The following DAB1 variants were observed in gnomAD, a reference collection of about 807,000 sequenced individuals.
DAB1 encodes DAB adaptor protein 1, also known as disabled homolog 1.
DAB1 carries 15 observed loss-of-function variants against 64.6 expected under a neutral mutation model. The observed-to-expected ratio is 0.23, with a 90% CI of 0.16 to 0.36. DAB1 has a LOEUF of 0.36. DAB1 is among the 10% of genes least tolerant of loss of function. The pLI, the probability that DAB1 is intolerant of heterozygous loss-of-function variation, is 1.00. For missense variants in DAB1, 596 were observed against 706.7 expected (o/e 0.84, Z 1.78); for synonymous variants, 235 against 251.9 (o/e 0.93, Z 0.64).
chr1:57,864,737 G>C (rs1009262687), intron 1 of DAB1: 2 of 150,688 alleles, frequency 1.3e-5, no homozygotes, highest in African/African-American at 4.9e-5. Context: ...GCCCAGGCTG[G>C]TATCGAACTC....
At chr1:57,706,798 C>T (rs150561607) in intron 6 of DAB1, among the ~76,000 whole-genome samples, 1,760 of 152,144 alleles carry the variant, frequency 0.012, 26 homozygotes, top group South Asian at 0.066. Flanking sequence ...CCAGGCCGGG[C>T]GCGGTGGCTC....
chr1:58,225,809 G>C (rs1347848734), intron 4 of DAB1, among the ~76,000 whole-genome samples: 1 of 110,594 alleles, frequency 9.0e-6, no homozygotes. Context: ...CGGGCCTGTT[G>C]TGGGGTGGGG....
intron 2 of DAB1, among the ~76,000 whole-genome samples, chr1:57,218,641 G>A (rs1397163262): frequency 6.6e-6 from 1 of 151,790 alleles, no homozygotes; most frequent in East Asian, 1.9e-4. Context: ...GCTGCAATGA[G>A]CCATGATCAT....
At chr1:57,620,218 G>A (rs756897009) in intron 7 of DAB1, among the ~76,000 whole-genome samples, 23 of 152,188 alleles carry the variant, frequency 1.5e-4, no homozygotes, top group South Asian at 2.1e-4. Flanking sequence ...AGCTCAGTGC[G>A]AGAAGGGGTC....
chr1:57,072,613 A>G (rs1651590973), intron 4 of DAB1, among the ~76,000 whole-genome samples, 199 bp from the exon 5 acceptor site: 1 of 152,220 alleles, frequency 6.6e-6, no homozygotes, highest in Non-Finnish European at 1.5e-5. Flanking sequence ...TGCTGTGACC[A>G]GAGAGAAACA....
At chr1:57,033,483 T>C (rs770128122) in intron 9 of DAB1, 5 of 1,612,700 alleles carry the variant, frequency 3.1e-6, no homozygotes, top group Non-Finnish European at 3.4e-6. Flanking sequence ...GATGAGAAAA[T>C]GACATGAAAC....
At chr1:57,821,905 A>C (rs1652138443), downstream of DAB1, among the ~76,000 whole-genome samples, 1 of 152,224 alleles carries the variant, frequency 6.6e-6, no homozygotes, top group Non-Finnish European at 1.5e-5. Flanking sequence ...GACTTAATTA[A>C]TAACTATGAT....
Position 57,363,683 on chromosome 1 carries a change from C to G in DAB1, c.-137+60247G>C, listed in dbSNP as rs145778581. 1.7e-4 allele frequency among the ~76,000 whole-genome samples: 26 copies of G among 152,148 alleles called. No homozygotes were observed. In the East Asian group the frequency reaches 3.1e-3, roughly 18 times the overall value. On this transcript the variant is annotated intron_variant, in intron 1 of 14. Coordinates refer to ENST00000371236, the MANE Select transcript of DAB1 (RefSeq NM_001365792.1). ...AGACCCAGAAAAGGGAATAATGTACCCAAGATTGTACAGTCACTGGAAGGC... is the reference window on the plus strand; with the variant it reads ...AGACCCAGAAAAGGGAATAATGTACGCAAGATTGTACAGTCACTGGAAGGC...
intron 3 of DAB1, among the ~76,000 whole-genome samples, chr1:58,416,705 T>A (rs1237459632): frequency 6.6e-6 from 1 of 152,196 alleles, no homozygotes; most frequent in Non-Finnish European, 1.5e-5. Flanking sequence ...AAAATCTTAA[T>A]ATAGGTGGCC....
At chr1:58,229,394 T>G (rs1046233318) in intron 4 of DAB1, among the ~76,000 whole-genome samples, 1 of 152,198 alleles carries the variant, frequency 6.6e-6, no homozygotes, top group Non-Finnish European at 1.5e-5. Flanking sequence ...TGGGAAGAGA[T>G]GCATTCACTC....
intron 9 of DAB1, among the ~76,000 whole-genome samples, chr1:57,043,231 T>C (rs1648025589): frequency 6.6e-6 from 1 of 152,186 alleles, no homozygotes; most frequent in African/African-American, 2.4e-5. Flanking sequence ...CTATATCCCA[T>C]AATTTTCAGC....
intron 3 of DAB1, among the ~76,000 whole-genome samples, chr1:58,454,675 C>A (rs1037348323): frequency 4.6e-5 from 7 of 152,168 alleles, no homozygotes; most frequent in African/African-American, 1.7e-4. Flanking sequence ...TCCCTCCTCA[C>A]CCAGGGCTTG....
intron 9 of DAB1, among the ~76,000 whole-genome samples, chr1:57,048,432 T>C (rs547299340): frequency 1.3e-5 from 2 of 152,332 alleles, no homozygotes; most frequent in South Asian, 4.2e-4. Context: ...AACTTCAAAT[T>C]TCATGTTCTT....
intron 4 of DAB1, among the ~76,000 whole-genome samples, chr1:57,074,039 G>T (rs566870992): frequency 6.6e-6 from 1 of 152,170 alleles, no homozygotes; most frequent in South Asian, 2.1e-4. Flanking sequence ...ACCAGAGCCG[G>T]CTCATTTTTT....
At chr1:58,293,015 T>G (rs1661883259) in intron 4 of DAB1, among the ~76,000 whole-genome samples, 1 of 150,980 alleles carries the variant, frequency 6.6e-6, no homozygotes, top group African/African-American at 2.4e-5. Flanking sequence ...TGAGGTAGAG[T>G]TTCCTCCCAA....
chr1:58,411,433 T>C (rs1214012861), intron 3 of DAB1, among the ~76,000 whole-genome samples: 1 of 152,194 alleles, frequency 6.6e-6, no homozygotes, highest in Non-Finnish European at 1.5e-5. Flanking sequence ...GCCAGTGATA[T>C]ACGCAAGTAA....
intron 5 of DAB1, among the ~76,000 whole-genome samples, chr1:58,065,022 ATT>A (rs1233998646): frequency 6.6e-6 from 1 of 152,148 alleles, no homozygotes; most frequent in Non-Finnish European, 1.5e-5. Context: ...CAATAGATAA[ATT>A]TGCTGAGGGC....
At chr1:57,394,015 C>T (rs1264407502) in intron 1 of DAB1, among the ~76,000 whole-genome samples, 1 of 152,160 alleles carries the variant, frequency 6.6e-6, no homozygotes, top group East Asian at 1.9e-4. Context: ...TTATCCTTTC[C>T]TGCTTTGGTC....
intron 6 of DAB1, among the ~76,000 whole-genome samples, chr1:57,706,794 C>T (rs559714447): frequency 1.3e-5 from 2 of 151,930 alleles, no homozygotes; most frequent in African/African-American, 2.4e-5. Flanking sequence ...CATTCCAGGC[C>T]GGGCGCGGTG....
Sources: allele counts gnomAD v4.1 joint callset (sites outside exome capture counted in the v4.1 genomes callset), GRCh38; gene constraint gnomAD v4.1.1; transcripts MANE v1.5; gene names NCBI Gene and HGNC (gene_info 2026-07-23, HGNC 2026-07-21).